USP30: variants seen among roughly 807,000 people sequenced by gnomAD.
USP30 encodes ubiquitin specific peptidase 30, also known as ubiquitin carboxyl-terminal hydrolase 30.
A neutral mutation model predicts 68.2 loss-of-function variants in USP30; 41 were observed. The observed-to-expected ratio is 0.60, with a 90% CI of 0.47 to 0.78. The LOEUF (loss-of-function observed/expected upper bound fraction) is 0.78. USP30 is among the 30% of genes least tolerant of loss of function. USP30 has a pLI of 0.00. For missense variants in USP30, 522 were observed against 649.4 expected (o/e 0.80, Z 2.13); for synonymous variants, 229 against 253.7 (o/e 0.90, Z 0.93).
chr12:109,058,241 A>C, intron 3 of USP30, 133 bp downstream of exon 3: 1 of 1,012,204 alleles, frequency 9.9e-7, no homozygotes, highest in Non-Finnish European at 1.4e-6. Flanking sequence ...AAACAACACC[A>C]AGAGCCCAAT....
At chr12:109,054,144 A>G in intron 1 of USP30, 1 of 444,194 alleles carries the variant, frequency 2.3e-6, no homozygotes, top group Admixed American at 2.5e-5. Flanking sequence ...CACTTCCATG[A>G]CAGTCCTTTA....
At chr12:109,025,806 G>A (rs2040441068) in intron 2 of USP30, among the ~76,000 whole-genome samples, 1 of 151,890 alleles carries the variant, frequency 6.6e-6, no homozygotes, top group Non-Finnish European at 1.5e-5. Flanking sequence ...TCCCACCTCA[G>A]CCTCCCGAGT....
intron 3 of USP30, among the ~76,000 whole-genome samples, chr12:109,029,136 A>G (rs959210529): frequency 3.3e-5 from 5 of 152,218 alleles, no homozygotes; most frequent in African/African-American, 4.8e-5. Context: ...AAGCCAGTTT[A>G]TATAGATCAT....
intron 1 of USP30, among the ~76,000 whole-genome samples, chr12:109,055,639 C>T (rs1425970425): frequency 4.7e-5 from 7 of 147,588 alleles, no homozygotes; most frequent in South Asian, 2.1e-4. Flanking sequence ...TCAGGTGATC[C>T]GCCCACCTCG....
chr12:109,058,052 A>C lies in USP30; in HGVS notation c.320A>C (p.Gln107Pro). 3 of 1,614,200 alleles carry C rather than the reference A, an allele frequency of 1.9e-6. No homozygotes were observed. Among genetic ancestry groups the C allele is most frequent in the Non-Finnish European group, 2.5e-6 (3 of 1,180,034 alleles). Residue 107 changes from glutamine (Q) to proline (P), a missense_variant, in exon 3 of 13, where the codon CAG becomes CCG. Physicochemically the swap from Gln to Pro is moderately conservative, Grantham distance 76. Transcript: ENST00000257548. ...EEFTSQYSRD[Q>P]KEPPSHQYLS... ...TTCACCTCCCAGTACTCCAGGGATC[A>C]GAAGGAGCCCCCCTCACACCAGTAT...
chr12:109,038,419 G>A (rs180969316), intron 3 of USP30, among the ~76,000 whole-genome samples: 2 of 152,022 alleles, frequency 1.3e-5, no homozygotes, highest in African/African-American at 2.4e-5. Flanking sequence ...TGAGCATTTG[G>A]GTTGAATCCA....
chr12:109,062,563 C>T (rs551644271), intron 3 of USP30, among the ~76,000 whole-genome samples: 3 of 150,554 alleles, frequency 2.0e-5, no homozygotes, highest in African/African-American at 7.3e-5. Context: ...CTCCTGACCT[C>T]GTGATCCGCC....
At chr12:109,028,569 C>T (rs1645327944) in intron 3 of USP30, among the ~76,000 whole-genome samples, 1 of 152,196 alleles carries the variant, frequency 6.6e-6, no homozygotes, top group East Asian at 1.9e-4. Flanking sequence ...CCTCCACCTA[C>T]CAGGTTCAGG....
At chr12:109,067,274 C>T (rs572419048) in intron 3 of USP30, among the ~76,000 whole-genome samples, 11 of 117,936 alleles carry the variant, frequency 9.3e-5, no homozygotes, top group East Asian at 4.0e-4. Context: ...CCACCACGCC[C>T]GGCTAATTTT....
chr12:109,075,804 C>T (rs545911221), intron 7 of USP30, among the ~76,000 whole-genome samples: 37 of 148,698 alleles, frequency 2.5e-4, no homozygotes, highest in African/African-American at 8.4e-4. Flanking sequence ...AGTGTCTGTT[C>T]AGCTCCTTTG....
At chr12:109,085,097 A>C in intron 12 of USP30, 24 bp downstream of exon 12, 10 of 1,500,970 alleles carry the variant, frequency 6.7e-6, no homozygotes, top group Non-Finnish European at 8.9e-6. Flanking sequence ...TACAAGCCCC[A>C]TCTTAGAGCT....
intron 3 of USP30, among the ~76,000 whole-genome samples, chr12:109,063,169 A>T (rs1012434871): frequency 1.1e-4 from 17 of 151,988 alleles, no homozygotes. Context: ...GTGCGATCTT[A>T]GCTCACTGCC....
At chr12:109,083,100 C>T in intron 11 of USP30, 38 bp downstream of exon 11, 1 of 1,554,470 alleles carries the variant, frequency 6.4e-7, no homozygotes, top group Non-Finnish European at 8.7e-7. Context: ...CAGGAATTTT[C>T]AGCACAGAGA....
At chr12:109,065,683 C>T (rs1450755155) in intron 3 of USP30, among the ~76,000 whole-genome samples, 1 of 152,188 alleles carries the variant, frequency 6.6e-6, no homozygotes. Context: ...AGGTAATAAT[C>T]ACAAGGATCT....
At chr12:109,074,705 C>CTGTG (rs148377443) in intron 7 of USP30, among the ~76,000 whole-genome samples, 179 of 151,220 alleles carry the variant, frequency 1.2e-3, no homozygotes, top group African/African-American at 4.1e-3. Flanking sequence ...TGATGTATGA[C>CTGTG]TGTGTGTGTG....
At chr12:109,083,162 G>C (rs563388815) in intron 11 of USP30, 100 bp downstream of exon 11, 1 of 1,223,574 alleles carries the variant, frequency 8.2e-7, no homozygotes, top group African/African-American at 1.5e-5. Context: ...GGAGCACAAG[G>C]CTTGTACAAT....
At position 109,057,994 on chromosome 12, in the gene USP30, G is replaced by T; in HGVS notation, c.262G>T (p.Ala88Ser). 6.2e-7 allele frequency: 1 copy of T among 1,614,124 alleles called. No individual in the cohort carries two copies. The highest frequency in any genetic ancestry group is 8.5e-7 in the Non-Finnish European group (1 of 1,180,030). The part of the protein sequence containing the change: ...FMNSLLQGLS[A>S]CPAFIRWLEE... ...GAACTCCCTGCTACAAGGCCTGTCT[G>T]CCTGTCCTGCTTTCATCAGGTGGCT... The change falls in exon 3 of 13, where the codon GCC becomes TCC. Residue 88 changes from alanine to serine, a missense_variant. Ala to Ser is a moderately conservative substitution (Grantham distance 99, BLOSUM62 1). Coordinates refer to ENST00000257548, the MANE Select transcript of USP30 (RefSeq NM_032663.5).
At chr12:109,030,013 A>G (rs1344279542) in intron 3 of USP30, among the ~76,000 whole-genome samples, 1 of 152,226 alleles carries the variant, frequency 6.6e-6, no homozygotes, top group Non-Finnish European at 1.5e-5. Flanking sequence ...TCCAGTAATC[A>G]TTATTGAAAT....
chr12:109,073,418 A>G lies in USP30; in HGVS notation c.626-20A>G, dbSNP rs1320235488. 4 of 1,597,572 alleles carry G rather than the reference A, an allele frequency of 2.5e-6. No individual in the cohort carries two copies. Among genetic ancestry groups the G allele is most frequent in the Middle Eastern group, 3.3e-4 (2 of 6,018 alleles). On this transcript the variant is annotated intron_variant, in intron 6 of 12. Transcript: ENST00000257548. ...CCAAAGGGCTAAAAGTGACATATCA[A>G]AAAACTTTTTGCATTCCAGGGTCAC...
Sources: gnomAD v4.1 joint callset for allele counts (sites outside exome capture counted in the v4.1 genomes callset) on GRCh38, gnomAD v4.1.1 for gene constraint, MANE v1.5 for transcripts, NCBI Gene and HGNC (gene_info 2026-07-23, HGNC 2026-07-21) for gene names.